SEMA3A: variants seen among roughly 807,000 people sequenced by gnomAD.
The protein encoded by SEMA3A is semaphorin-3A.
A neutral mutation model predicts 97.9 loss-of-function variants in SEMA3A; 29 were observed. The observed-to-expected ratio is 0.30, with a 90% CI of 0.22 to 0.40. The LOEUF is 0.40. SEMA3A is among the 10% of genes least tolerant of loss of function. The probability of loss-of-function intolerance (pLI) is 1.00; values close to 1 mark genes in which losing one functional copy is unlikely to be tolerated. For missense variants in SEMA3A, 763 were observed against 951.3 expected (o/e 0.80, Z 2.60); for synonymous variants, 321 against 323.7 (o/e 0.99, Z 0.09).
intron 2 of SEMA3A, among the ~76,000 whole-genome samples, chr7:84,368,316 A>G (rs1481821005): frequency 6.6e-6 from 1 of 151,144 alleles, no homozygotes; most frequent in East Asian, 1.9e-4. Flanking sequence ...AATCCAGTAG[A>G]AAGTGACCCG....
chr7:84,003,965 C>T (rs1430899325), intron 11 of SEMA3A, among the ~76,000 whole-genome samples: 1 of 152,084 alleles, frequency 6.6e-6, no homozygotes, highest in Non-Finnish European at 1.5e-5. Context: ...GACACTGTTA[C>T]ACCTGATAAC....
intron 3 of SEMA3A, among the ~76,000 whole-genome samples, chr7:84,260,822 G>A (rs898498862): frequency 3.3e-5 from 5 of 152,170 alleles, no homozygotes; most frequent in African/African-American, 4.8e-5. Flanking sequence ...GCAGCAGAAG[G>A]CAGATAGGCT....
At chr7:84,447,645 A>G (rs1260576586) in intron 1 of SEMA3A, among the ~76,000 whole-genome samples, 1 of 152,178 alleles carries the variant, frequency 6.6e-6, no homozygotes, top group African/African-American at 2.4e-5. Flanking sequence ...CGGGTCTCCT[A>G]AGAGCTGTTC....
intron 4 of SEMA3A, among the ~76,000 whole-genome samples, chr7:84,062,177 A>T (rs928568082): frequency 2.0e-5 from 3 of 152,250 alleles, no homozygotes; most frequent in Non-Finnish European, 4.4e-5. Context: ...TAATATGGAA[A>T]TTAACACAGG....
intron 14 of SEMA3A, 91 bp from the exon 15 acceptor site, chr7:83,977,287 T>C: frequency 1.8e-6 from 1 of 563,440 alleles, no homozygotes; most frequent in Non-Finnish European, 3.0e-6. Context: ...AAAATATATA[T>C]ATATATATCA....
chr7:84,239,626 T>C (rs1799313746), intron 3 of SEMA3A, among the ~76,000 whole-genome samples: 1 of 152,206 alleles, frequency 6.6e-6, no homozygotes, highest in Admixed American at 6.5e-5. Flanking sequence ...AATTTCTTTT[T>C]ATAGTTTAGA....
At chr7:84,341,000 A>G (rs1414609290) in intron 2 of SEMA3A, among the ~76,000 whole-genome samples, 2 of 152,186 alleles carry the variant, frequency 1.3e-5, no homozygotes, top group African/African-American at 4.8e-5. Flanking sequence ...TGGTATGTGA[A>G]AGGGAAATTA....
chr7:84,321,604 C>T (rs964391017), intron 2 of SEMA3A, among the ~76,000 whole-genome samples: 1 of 151,832 alleles, frequency 6.6e-6, no homozygotes, highest in Non-Finnish European at 1.5e-5. Flanking sequence ...GAAGAAATAC[C>T]AGTGGCTCAC....
chr7:84,194,796 G>GA (rs36048075), upstream of SEMA3A: 6,050 of 157,344 alleles, frequency 0.038, no homozygotes, highest in Middle Eastern at 0.072. Context: ...CCTCCAAAAA[G>GA]AAAAAAAAAA....
At chr7:84,398,815 T>A (rs1195754134) in intron 1 of SEMA3A, among the ~76,000 whole-genome samples, 4 of 151,510 alleles carry the variant, frequency 2.6e-5, no homozygotes, top group African/African-American at 9.7e-5. Flanking sequence ...CTTAAAAAAA[T>A]AAAATAAAAT....
At chr7:84,253,454 T>C (rs922502836) in intron 3 of SEMA3A, among the ~76,000 whole-genome samples, 5 of 152,096 alleles carry the variant, frequency 3.3e-5, no homozygotes, top group Non-Finnish European at 1.5e-5. Context: ...ATGAGGTCAG[T>C]TTTGTAGAGA....
intron 1 of SEMA3A, among the ~76,000 whole-genome samples, chr7:84,398,462 T>G (rs1803800348): frequency 6.6e-6 from 1 of 152,032 alleles, no homozygotes; most frequent in Admixed American, 6.6e-5. Context: ...CCTTTCGCAG[T>G]TCCTGACTGA....
chr7:83,966,078 T>C (rs1435805553), intron 15 of SEMA3A, among the ~76,000 whole-genome samples: 3 of 152,122 alleles, frequency 2.0e-5, no homozygotes, highest in Non-Finnish European at 2.9e-5. Context: ...GTAATCTTTC[T>C]TGTAGTTCTA....
chr7:84,384,570 A>C (rs968156554), intron 1 of SEMA3A, among the ~76,000 whole-genome samples: 1 of 152,174 alleles, frequency 6.6e-6, no homozygotes, highest in Non-Finnish European at 1.5e-5. Flanking sequence ...TGCACTGTAC[A>C]CTGTGGATTC....
intron 12 of SEMA3A, among the ~76,000 whole-genome samples, chr7:83,995,301 A>C (rs1790167210): frequency 1.3e-5 from 2 of 152,184 alleles, no homozygotes; most frequent in Admixed American, 6.5e-5. Flanking sequence ...TGGGAGCTGT[A>C]GACCGAAGCT....
chr7:84,481,638 C>A (rs1429005727), intron 1 of SEMA3A, among the ~76,000 whole-genome samples: 1 of 152,006 alleles, frequency 6.6e-6, no homozygotes, highest in Non-Finnish European at 1.5e-5. Flanking sequence ...TTTCTTATTA[C>A]ACATAATTCA....
intron 2 of SEMA3A, among the ~76,000 whole-genome samples, chr7:84,332,674 T>TAC (rs3048014): frequency 0.075 from 11,240 of 149,974 alleles, 461 homozygotes; most frequent in Middle Eastern, 0.14. Context: ...TGTGTGTGTA[T>TAC]ACACACACAC....
chr7:84,489,357 C>T (rs1162044808), intron 1 of SEMA3A, among the ~76,000 whole-genome samples: 2 of 152,062 alleles, frequency 1.3e-5, no homozygotes, highest in African/African-American at 4.8e-5. Context: ...GGACACAGAG[C>T]CAAACCATAT....
At chr7:84,150,481 AC>A (rs1474973690) in intron 1 of SEMA3A, among the ~76,000 whole-genome samples, 2 of 152,136 alleles carry the variant, frequency 1.3e-5, no homozygotes, top group East Asian at 1.9e-4. Context: ...GGGGTGACGG[AC>A]GGCACCTGGA....
Sources: allele counts gnomAD v4.1 joint callset (sites outside exome capture counted in the v4.1 genomes callset), GRCh38; gene constraint gnomAD v4.1.1; transcripts MANE v1.5; gene names NCBI Gene and HGNC (gene_info 2026-07-23, HGNC 2026-07-21).